The following PPP2CA variants were observed in gnomAD, a reference collection of about 807,000 sequenced individuals.
The protein encoded by PPP2CA is protein phosphatase 2 catalytic subunit alpha.
Under a neutral mutation model 38.8 loss-of-function variants are expected in PPP2CA, and 5 were observed. That is an observed-to-expected ratio of 0.13 (90% CI 0.07 to 0.27). The LOEUF (loss-of-function observed/expected upper bound fraction) is 0.27. Among genes scored for constraint, PPP2CA ranks in the 10% least tolerant of loss-of-function variants. PPP2CA has a pLI of 1.00. For synonymous variants in PPP2CA, 152 were observed against 134.0 expected, an observed-to-expected ratio of 1.13 and a Z score of -0.93; for missense variants, 88 against 389.7, an observed-to-expected ratio of 0.23 and a Z score of 6.52.
At chr5:134,224,899 C>T (rs1580654964) in intron 1 of PPP2CA, among the ~76,000 whole-genome samples, 1 of 152,232 alleles carries the variant, frequency 6.6e-6, no homozygotes, top group South Asian at 2.1e-4. Flanking sequence ...CCACAAAATA[C>T]TATCAAGTAA....
At chr5:134,199,882 A>T (rs1021423849) in intron 5 of PPP2CA, among the ~76,000 whole-genome samples, 1 of 152,130 alleles carries the variant, frequency 6.6e-6, no homozygotes, top group African/African-American at 2.4e-5. Flanking sequence ...AAAATATTCT[A>T]ATCAGTGTGC....
intron 6 of PPP2CA, among the ~76,000 whole-genome samples, chr5:134,198,815 G>C (rs1389960309): frequency 6.6e-6 from 1 of 152,262 alleles, no homozygotes; most frequent in East Asian, 1.9e-4. Context: ...ATCCACCCGA[G>C]CCTTCCAAAG....
At chr5:134,202,043 CAT>C (rs747095836) in intron 2 of PPP2CA, 22 bp from the exon 3 acceptor site, 10 of 1,553,442 alleles carry the variant, frequency 6.4e-6, no homozygotes, top group Non-Finnish European at 8.7e-6. Context: ...AAATGCAAAA[CAT>C]AAACAACTAG....
intron 5 of PPP2CA, 107 bp from the exon 6 acceptor site, chr5:134,199,311 G>C (rs1216603918): frequency 2.8e-5 from 22 of 794,854 alleles, no homozygotes; most frequent in Middle Eastern, 2.4e-4. Context: ...CCCTGCCAAA[G>C]GGGCTTAAGA....
chr5:134,218,048 A>G (rs1001992480), intron 1 of PPP2CA, among the ~76,000 whole-genome samples: 11 of 152,030 alleles, frequency 7.2e-5, no homozygotes, highest in Non-Finnish European at 1.3e-4. Context: ...CAGCTCCATT[A>G]TAATTTCATA....
At chr5:134,208,346 A>C (rs1278911989) in intron 1 of PPP2CA, among the ~76,000 whole-genome samples, 2 of 152,244 alleles carry the variant, frequency 1.3e-5, no homozygotes, top group African/African-American at 4.8e-5. Context: ...AATTAAGTCT[A>C]AATGCTATTT....
intron 1 of PPP2CA, among the ~76,000 whole-genome samples, chr5:134,222,400 CTAATT>C (rs1762464705): frequency 6.6e-6 from 1 of 152,126 alleles, no homozygotes; most frequent in African/African-American, 2.4e-5. Context: ...TTCAGCTCAT[CTAATT>C]AGAAGGAAGC....
rs567939431 is a variant in PPP2CA, at chr5:134,213,686, G to C, written c.103-7555C>G. 9.9e-5 allele frequency among the ~76,000 whole-genome samples: 15 copies of C among 151,948 alleles called. No individual in the cohort carries two copies. In the East Asian group the frequency reaches 2.9e-3, roughly 29 times the overall value. On this transcript the variant is annotated intron_variant, in intron 1 of 6. Coordinates refer to ENST00000481195, the MANE Select transcript of PPP2CA (RefSeq NM_002715.4). ...TGGTCCCAGCTGCTAAGGAGGCTAA[G>C]GCAGAAGAATCACTTGAGCCCAGGA...
At chr5:134,221,569 C>A (rs1233407852) in intron 1 of PPP2CA, among the ~76,000 whole-genome samples, 1 of 152,108 alleles carries the variant, frequency 6.6e-6, no homozygotes, top group Non-Finnish European at 1.5e-5. Flanking sequence ...ATTTGAGGGG[C>A]AAATGTTGTC....
chr5:134,202,038 C>G lies in PPP2CA; in HGVS notation c.313-17G>C, dbSNP rs377195326. 53 of 1,557,132 alleles carry G rather than the reference C, an allele frequency of 3.4e-5. No homozygotes were observed. The African/African-American group carries it at 4.9e-4, about 14-fold the overall frequency. ...GTAACGAACCTAAAACAATAAAATG[C>G]AAAACATAAACAACTAGCTCTTTCA... On this transcript the variant is annotated splice_polypyrimidine_tract_variant and intron_variant, in intron 2 of 6. Transcript: ENST00000481195.
intron 1 of PPP2CA, among the ~76,000 whole-genome samples, chr5:134,215,941 A>T (rs970074416): frequency 6.6e-6 from 1 of 152,248 alleles, no homozygotes; most frequent in African/African-American, 2.4e-5. Context: ...GCCATTCAAC[A>T]GCAAGGCCAG....
At chr5:134,207,360 G>A (rs1340981416) in intron 1 of PPP2CA, among the ~76,000 whole-genome samples, 1 of 152,096 alleles carries the variant, frequency 6.6e-6, no homozygotes, top group Non-Finnish European at 1.5e-5. Context: ...AGCCAAGATC[G>A]CATCACTGCA....
At chr5:134,223,482 T>C (rs561347071) in intron 1 of PPP2CA, among the ~76,000 whole-genome samples, 147 of 152,392 alleles carry the variant, frequency 9.6e-4, no homozygotes, top group African/African-American at 3.4e-3. Flanking sequence ...GGTTGTATAA[T>C]GATATCCACC....
intron 1 of PPP2CA, among the ~76,000 whole-genome samples, chr5:134,216,099 G>C (rs1762314595): frequency 6.6e-6 from 1 of 152,182 alleles, no homozygotes; most frequent in Non-Finnish European, 1.5e-5. Context: ...TCACATAACA[G>C]TACCAATTCT....
intron 1 of PPP2CA, among the ~76,000 whole-genome samples, chr5:134,215,390 T>C (rs1222859816): frequency 6.6e-6 from 1 of 151,660 alleles, no homozygotes; most frequent in Non-Finnish European, 1.5e-5. Flanking sequence ...GCCAAAGTGG[T>C]GAAACCCCAT....
intron 2 of PPP2CA, among the ~76,000 whole-genome samples, chr5:134,204,330 C>G (rs548321177): frequency 6.6e-6 from 1 of 152,362 alleles, no homozygotes; most frequent in African/African-American, 2.4e-5. Context: ...GGAAGCCTGC[C>G]ACCCTAACAG....
chr5:134,207,697 G>A (rs1762113454), intron 1 of PPP2CA, among the ~76,000 whole-genome samples: 1 of 152,118 alleles, frequency 6.6e-6, no homozygotes, highest in South Asian at 2.1e-4. Context: ...TGCGACCACA[G>A]GTGTGCACCA....
intron 1 of PPP2CA, among the ~76,000 whole-genome samples, chr5:134,221,313 C>T (rs1205090762): frequency 5.3e-5 from 8 of 152,152 alleles, no homozygotes; most frequent in Non-Finnish European, 1.0e-4. Flanking sequence ...GGGGCTTCAC[C>T]GTGTTAGCCA....
At position 134,204,606 on chromosome 5, in the gene PPP2CA, A is replaced by G. The variant is rs372378887; in HGVS notation, c.312+1316T>C. ...TTCCTGAGTAGCTGAGACTACAAGC[A>G]TGCACCACTGCACCTGGCTATTTTT... On this transcript the variant is annotated intron_variant, in intron 2 of 6. Coordinates refer to ENST00000481195, the MANE Select transcript of PPP2CA (RefSeq NM_002715.4). Among the ~76,000 whole-genome samples, 14 of 152,046 alleles carry G rather than the reference A, an allele frequency of 9.2e-5. No individual in the cohort carries two copies. The East Asian group carries it at 9.6e-4, about 10-fold the overall frequency.
Sources: gnomAD v4.1 joint callset for allele counts (sites outside exome capture counted in the v4.1 genomes callset) on GRCh38, gnomAD v4.1.1 for gene constraint, MANE v1.5 for transcripts, NCBI Gene and HGNC (gene_info 2026-07-23, HGNC 2026-07-21) for gene names.